EVPL: variants seen among roughly 807,000 people sequenced by gnomAD.
EVPL encodes envoplakin, also known as 210 kDa cornified envelope precursor protein.
Under a neutral mutation model 129.7 loss-of-function variants are expected in EVPL, and 94 were observed. The observed-to-expected ratio is 0.72, with a 90% CI of 0.61 to 0.86. The LOEUF (loss-of-function observed/expected upper bound fraction) is 0.86, where lower values mean the gene tolerates loss of function less well. EVPL is among the 40% of genes least tolerant of loss of function. The pLI is 0.00. For missense variants in EVPL, 2,625 were observed against 2,721.1 expected (o/e 0.96, Z 0.79); for synonymous variants, 1,172 against 1,191.1 (o/e 0.98, Z 0.33).
Position 76,011,487 on chromosome 17 carries a change from A to T in EVPL, c.2661+89T>A, listed in dbSNP as rs2066375884. ...AGGGAGAGGAGGGAAGGAGACTACC[A>T]GGGTGACAGCCTGGCATTTTGGGAA... On this transcript the variant is annotated intron_variant, in intron 21 of 21. Coordinates refer to ENST00000301607, the MANE Select transcript of EVPL (RefSeq NM_001988.4). The T allele has an allele frequency of 3.5e-6, 4 of 1,156,286 alleles. No individual in the cohort carries two copies. The Admixed American group carries it at 5.1e-5, about 15-fold the overall frequency. The allele number at this position is 1,156,286 out of a possible 1,614,324, so 71.6% of individuals were successfully genotyped here. A position where few individuals can be genotyped will look rare whatever the true frequency, so the allele number is the denominator to read the frequency against.
At chr17:76,010,687 G>A in intron 21 of EVPL, 144 bp from the exon 22 acceptor site, 1 of 882,084 alleles carries the variant, frequency 1.1e-6, no homozygotes, top group South Asian at 1.8e-5. Flanking sequence ...AAGATGCTTG[G>A]ATATAGGATT....
chr17:76,014,358 A>G, intron 18 of EVPL, 68 bp downstream of exon 18: 1 of 1,534,936 alleles, frequency 6.5e-7, no homozygotes, highest in Non-Finnish European at 8.7e-7. Context: ...AGCCCCTTAG[A>G]GCGCTTCTGA....
Position 76,021,450 on chromosome 17 carries a change from G to A in EVPL, c.1011+18C>T. 2 of 1,537,406 alleles carry A rather than the reference G, an allele frequency of 1.3e-6. No homozygotes were observed. Among genetic ancestry groups the A allele is most frequent in the South Asian group, 1.1e-5 (1 of 87,642 alleles). ...CCCTGCCGCCCCTGCCGCCCCTGCC[G>A]CCTGCCCGAGGGCTCACCCGGCGGT... On this transcript the variant is annotated intron_variant, in intron 9 of 21. Transcript: ENST00000301607.
rs200997045 is a variant in EVPL, at chr17:76,023,523, C to T, written c.330G>A (p.Pro110=). ...ACTCCTTCTCAATCTCCTCAGCCTGCGGGTGCTTGAGCCGCCGGGCCTTGT... is the reference window on the plus strand; with the variant it reads ...ACTCCTTCTCAATCTCCTCAGCCTGTGGGTGCTTGAGCCGCCGGGCCTTGT... The part of the protein sequence containing the change: ...DVDKARRLKH[P]QAEEIEKDIK... Residue 110 remains proline, a synonymous_variant, in exon 3 of 22, where the codon CCG becomes CCA. Coordinates refer to ENST00000301607, the MANE Select transcript of EVPL (RefSeq NM_001988.4). 83 of 1,613,092 alleles carry T rather than the reference C, an allele frequency of 5.1e-5. No homozygotes were observed. The highest frequency in any genetic ancestry group is 8.3e-5 in the Admixed American group (5 of 60,002).
rs911674014 is a variant in EVPL, at chr17:76,015,236, G to C, written c.2019C>G (p.Ser673Arg). Reference protein sequence around the residue: ...AEPGALQERVSELQRQRRELL... With the variant: ...AEPGALQERVRELQRQRRELL... Reference sequence around the variant, plus strand: ...CCGGCTGGTCCCTTACCTGCAGCTCGCTGACCCTCTCCTGCAGAGCCCCCG... The same window carrying C: ...CCGGCTGGTCCCTTACCTGCAGCTCCCTGACCCTCTCCTGCAGAGCCCCCG... The change falls in exon 16 of 22, where the codon AGC becomes AGG. Residue 673 changes from serine (S) to arginine (R), a missense_variant. By Grantham distance (110) the Ser-to-Arg change is moderately radical. This residue lies in a region of EVPL where 1,024 missense variants were observed against 997.5 expected (regional missense o/e 1.03). Transcript: ENST00000301607. The C allele has an allele frequency of 1.3e-6, 2 of 1,594,464 alleles. No individual in the cohort carries two copies. The highest frequency in any genetic ancestry group is 1.1e-5 in the South Asian group (1 of 90,060).
rs139895076 is a variant in EVPL, at chr17:76,022,514, C to T, written c.505G>A (p.Gly169Arg). The T allele has an allele frequency of 5.0e-6, 8 of 1,609,858 alleles. No individual in the cohort carries two copies. The highest frequency in any genetic ancestry group is 1.7e-5 in the Admixed American group (1 of 59,220). ...TGCTCCAGCTCCGCCATGCCCGGCC[C>T]GTACTGGCCTGCGCAGACCTGCTTC... is the stretch of plus-strand genomic sequence containing the variant. ...KQKQVCAGQY[G>R]PGMAELEQQI... Residue 169 changes from glycine to arginine, a missense_variant, in exon 5 of 22, where the codon GGG (glycine) becomes AGG (arginine). Physicochemically the swap from Gly to Arg is moderately radical, Grantham distance 125. This residue lies in a region of EVPL where 1,024 missense variants were observed against 997.5 expected (regional missense o/e 1.03). Coordinates refer to ENST00000301607, the MANE Select transcript of EVPL (RefSeq NM_001988.4). The surrounding 1 kb of genome is among the most constrained non-coding windows in gnomAD (Gnocchi z 5.6).
In EVPL at chr17:76,010,153, C is replaced by T. The variant is rs915999836; in HGVS notation, c.3052G>A (p.Glu1018Lys). ...GGGTCCCTCTCCACCTGGGTGACCT[C>T]CTTGGTCAGCAGATGAGGCTGCATG... ...KTMQPHLLTK[E>K]VTQVERDPGL... The change falls in exon 22 of 22, where the codon GAG (glutamate) becomes AAG (lysine). Residue 1018 changes from glutamate (E) to lysine (K), a missense_variant. Physicochemically the swap from Glu to Lys is moderately conservative, Grantham distance 56. Around this residue, in one of 4 missense-constraint regions of EVPL, gnomAD observed 1,453 missense variants for 1,511.8 expected, o/e 0.96. Transcript: ENST00000301607. The T allele has an allele frequency of 1.9e-6, 3 of 1,613,994 alleles. No homozygotes were observed. Among genetic ancestry groups the T allele is most frequent in the Admixed American group, 1.7e-5 (1 of 60,002 alleles).
At position 76,021,604 on chromosome 17, in the gene EVPL, C is replaced by CCA. The variant is rs71161250; in HGVS notation, c.916-42_916-41insTG. On this transcript the variant is annotated intron_variant, in intron 8 of 21. Transcript: ENST00000301607. Reference sequence around the variant, plus strand: ...TGGAGCCCTCGGACCACGCCCCCCCCACGTCCGCCCCACCTCCCCCCTTCC... The same window carrying CCA: ...TGGAGCCCTCGGACCACGCCCCCCCCCAACGTCCGCCCCACCTCCCCCCTTCC... The CCA allele has an allele frequency of 5.8e-4, 822 of 1,419,114 alleles. 7 individuals carry two copies. The highest frequency in any genetic ancestry group is 7.3e-4 in the Non-Finnish European group (777 of 1,071,504). 87.9% of individuals were successfully genotyped at this position (1,419,114 alleles called of 1,614,324 possible).
rs1368122988 is a variant in EVPL, at chr17:76,015,271, G to A, written c.1984C>T (p.Pro662Ser). ...EATLVQEAPI[P>S]AEPGALQERV... The stretch of plus-strand genomic sequence containing the variant: ...TCCTGCAGAGCCCCCGGTTCAGCAG[G>A]GATGGGGGCCTCCTGCACCAGGGTG... The change falls in exon 16 of 22, where the codon CCT becomes TCT. Residue 662 changes from proline (P) to serine (S), a missense_variant. Transcript: ENST00000301607. 6.2e-7 allele frequency: 1 copy of A among 1,603,008 alleles called. No individual in the cohort carries two copies. Among genetic ancestry groups the A allele is most frequent in the Non-Finnish European group, 8.5e-7 (1 of 1,178,852 alleles).
rs142251448 is a variant in EVPL, at chr17:76,014,526, C to G, written c.2273G>C (p.Cys758Ser). 1,815 of 1,612,054 alleles carry G rather than the reference C, an allele frequency of 1.1e-3. 11 individuals are homozygous for G. The Middle Eastern group carries it at 0.023, about 20-fold the overall frequency. ...AALTYQQFKN[C>S]KDNLSSWLEH... The stretch of plus-strand genomic sequence containing the variant: ...CAGCCAGGAGCTCAGGTTATCCTTG[C>G]AGTTCTTGAACTGCTGGTAGGTGAG... Residue 758 changes from cysteine (C) to serine (S), a missense_variant, in exon 18 of 22, where the codon TGC becomes TCC. This residue lies in a region of EVPL where 1,024 missense variants were observed against 997.5 expected (regional missense o/e 1.03). Transcript: ENST00000301607.
Position 76,011,653 on chromosome 17 carries a change from T to C in EVPL, c.2584A>G (p.Lys862Glu), listed in dbSNP as rs868604326. 2.5e-6 allele frequency: 4 copies of C among 1,613,002 alleles called. No individual in the cohort carries two copies. In the Admixed American group the frequency reaches 6.7e-5, roughly 27 times the overall value. ...GCTGCTGCAACCTCAGTATAGGCCT[T>C]TGCAAGGTTCTTCTCCTGGAGAAGG... Reference protein sequence around the residue: ...SIQAQEKNLAKAYTEVAAAQQ... With the variant: ...SIQAQEKNLAEAYTEVAAAQQ... Residue 862 changes from lysine to glutamate, a missense_variant, in exon 21 of 22, where the codon AAG (lysine) becomes GAG (glutamate). This residue lies in a region of EVPL where 1,024 missense variants were observed against 997.5 expected (regional missense o/e 1.03). Transcript: ENST00000301607.
chr17:76,007,409 G>C lies in EVPL; in HGVS notation c.5796C>G (p.Leu1932=), dbSNP rs758048908. 7.5e-6 allele frequency: 12 copies of C among 1,603,830 alleles called. No homozygotes were observed. In the East Asian group the frequency reaches 2.5e-4, roughly 33 times the overall value. ...TCAGGTGCTGCACCTGCAGGTGTGG[G>C]AGCACGCTCTCCCGGGGCATCCAGC... ...QKGWMPRESV[L]PHLQVQHLTG... Residue 1932 remains leucine (L), a synonymous_variant, in exon 22 of 22, where the codon CTC becomes CTG. Transcript: ENST00000301607. The surrounding 1 kb of genome is among the most constrained non-coding windows in gnomAD (Gnocchi z 8.8).
chr17:76,015,124 G>T lies in EVPL; in HGVS notation c.2029-15C>A. On this transcript the variant is annotated splice_polypyrimidine_tract_variant and intron_variant, in intron 16 of 21. Transcript: ENST00000301607. Reference sequence around the variant, plus strand: ...CTCCGCTGGCGCTGCAGGAGGAGGGGACGCAGCCGTGCACCCTCGTGGCTG... The same window carrying T: ...CTCCGCTGGCGCTGCAGGAGGAGGGTACGCAGCCGTGCACCCTCGTGGCTG... The T allele has an allele frequency of 6.4e-7, 1 of 1,570,128 alleles. No individual in the cohort carries two copies.
rs1345429313 is a variant in EVPL, at chr17:76,007,938, C to T, written c.5267G>A (p.Arg1756Gln). Residue 1756 changes from arginine (R) to glutamine (Q), a missense_variant, in exon 22 of 22, where the codon CGG (arginine) becomes CAG (glutamine). Physicochemically the swap from Arg to Gln is conservative, Grantham distance 43 (BLOSUM62 1). This residue lies in a region of EVPL where 1,453 missense variants were observed against 1,511.8 expected (regional missense o/e 0.96). Coordinates refer to ENST00000301607, the MANE Select transcript of EVPL (RefSeq NM_001988.4). This position sits in a 1 kb window ranked among gnomAD's most constrained non-coding sequence, Gnocchi z 8.8. ...ATGGTACTCCTCCTTAGAGATGCGCCGGCAGCGGAGGGCGGCCTCGATGGA... is the reference window on the plus strand; with the variant it reads ...ATGGTACTCCTCCTTAGAGATGCGCTGGCAGCGGAGGGCGGCCTCGATGGA... ...QYSIEAALRC[R>Q]RISKEEYHLY... 6 of 1,614,112 alleles carry T rather than the reference C, an allele frequency of 3.7e-6. No individual in the cohort carries two copies. Among genetic ancestry groups the T allele is most frequent in the Admixed American group, 1.7e-5 (1 of 60,020 alleles).
chr17:76,009,097 C>G lies in EVPL; in HGVS notation c.4108G>C (p.Val1370Leu). 1.2e-6 allele frequency: 2 copies of G among 1,613,298 alleles called. No individual in the cohort carries two copies. Among genetic ancestry groups the G allele is most frequent in the Non-Finnish European group, 1.7e-6 (2 of 1,179,526 alleles). Reference protein sequence around the residue: ...LLERRKPEEKVVVQEVVVTQK... With the variant: ...LLERRKPEEKLVVQEVVVTQK... Reference sequence around the variant, plus strand: ...GTGACCACCACCTCCTGCACCACCACCTTCTCCTCGGGCTTCCTCCTCTCC... The same window carrying G: ...GTGACCACCACCTCCTGCACCACCAGCTTCTCCTCGGGCTTCCTCCTCTCC... Residue 1370 changes from valine (V) to leucine (L), a missense_variant, in exon 22 of 22, where the codon GTG becomes CTG. Physicochemically the swap from Val to Leu is conservative, Grantham distance 32. This residue lies in a region of EVPL where 1,453 missense variants were observed against 1,511.8 expected (regional missense o/e 0.96). Transcript: ENST00000301607. The surrounding 1 kb of genome is among the most constrained non-coding windows in gnomAD (Gnocchi z 5.9).
chr17:76,019,658 G>A lies in EVPL; in HGVS notation c.1012-5C>T. The A allele has an allele frequency of 1.2e-6, 2 of 1,610,176 alleles. No individual in the cohort carries two copies. The highest frequency in any genetic ancestry group is 1.7e-6 in the Non-Finnish European group (2 of 1,178,412). On this transcript the variant is annotated splice_region_variant and splice_polypyrimidine_tract_variant and intron_variant, in intron 9 of 21. Transcript: ENST00000301607. ...TGAGTCGGCCTCTTCCTGGAACTGA[G>A]TTCACTGGGTGGTCAAGGGCAGAGC...
At position 76,011,657 on chromosome 17, in the gene EVPL, A is replaced by C; in HGVS notation, c.2580T>G (p.Leu860=). Residue 860 remains leucine (L), a synonymous_variant, in exon 21 of 22, where the codon CTT becomes CTG. Transcript: ENST00000301607. ...CTGCAACCTCAGTATAGGCCTTTGC[A>C]AGGTTCTTCTCCTGGAGAAGGCAGA... is the stretch of plus-strand genomic sequence containing the variant. ...QESIQAQEKN[L]AKAYTEVAAA... 1 of 1,614,166 alleles carries C rather than the reference A, an allele frequency of 6.2e-7. No homozygotes were observed. Among genetic ancestry groups the C allele is most frequent in the East Asian group, 2.2e-5 (1 of 44,890 alleles).
At chr17:76,026,694 G>A (rs2066500314) in intron 1 of EVPL, among the ~76,000 whole-genome samples, 3 of 152,190 alleles carry the variant, frequency 2.0e-5, no homozygotes, top group Non-Finnish European at 4.4e-5. Flanking sequence ...AGAGCCTTGG[G>A]GCAGAGCTGC....
At position 76,007,625 on chromosome 17, in the gene EVPL, C is replaced by A; in HGVS notation, c.5580G>T (p.Glu1860Asp). The A allele has an allele frequency of 1.9e-6, 3 of 1,613,944 alleles. No homozygotes were observed. Among genetic ancestry groups the A allele is most frequent in the Non-Finnish European group, 2.5e-6 (3 of 1,180,044 alleles). Reference sequence around the variant, plus strand: ...CGATGCCCCCTGTGGCCGCCTGGGCCTCCAGTAGCTTCTGCCCAGTGATGG... The same window carrying A: ...CGATGCCCCCTGTGGCCGCCTGGGCATCCAGTAGCTTCTGCCCAGTGATGG... ...LDPITGQKLL[E>D]AQAATGGIVD... Residue 1860 changes from glutamate (E) to aspartate (D), a missense_variant, in exon 22 of 22, where the codon GAG becomes GAT. Glu to Asp is a conservative substitution (Grantham distance 45). This residue lies in a region of EVPL where 1,453 missense variants were observed against 1,511.8 expected (regional missense o/e 0.96). Transcript: ENST00000301607. This position sits in a 1 kb window ranked among gnomAD's most constrained non-coding sequence, Gnocchi z 8.8.
Sources: allele counts gnomAD v4.1 joint callset (sites outside exome capture counted in the v4.1 genomes callset), GRCh38; gene constraint gnomAD v4.1.1; regional missense constraint gnomAD v4.1.1; non-coding constraint Gnocchi (gnomAD v3.1); transcripts MANE v1.5; gene names NCBI Gene and HGNC (gene_info 2026-07-23, HGNC 2026-07-21).